The following DGKB variants were observed in gnomAD, a reference collection of about 807,000 sequenced individuals.
DGKB encodes diacylglycerol kinase beta.
In DGKB, 67 loss-of-function variants were observed where a neutral mutation model predicts 114.3. That is an observed-to-expected ratio of 0.59 (90% confidence interval 0.48 to 0.72). DGKB has a LOEUF of 0.72. Among genes scored for constraint, DGKB ranks in the 30% least tolerant of loss-of-function variants. DGKB has a pLI of 0.00. For synonymous variants in DGKB, 398 were observed against 323.1 expected (o/e 1.23, Z -2.49); for missense variants, 907 against 975.2 (o/e 0.93, Z 0.93).
At chr7:14,411,106 C>T (rs1474423084) in intron 21 of DGKB, among the ~76,000 whole-genome samples, 1 of 152,110 alleles carries the variant, frequency 6.6e-6, no homozygotes, top group Non-Finnish European at 1.5e-5. Context: ...GGTAAACAAC[C>T]AGTACTGTAG....
In DGKB at chr7:14,241,501, C is replaced by T. The variant is rs182976586; in HGVS notation, c.2123-63350G>A. On this transcript the variant is annotated intron_variant, in intron 23 of 25. Coordinates refer to ENST00000402815, the MANE Select transcript of DGKB (RefSeq NM_001350709.2). ...TAAGTAATAACCTATAGCATACATA[C>T]GTCAGGAAATTGTCCTTAAGAAATC... Among the ~76,000 whole-genome samples the T allele has an allele frequency of 4.4e-3, 673 of 152,104 alleles. 7 individuals are homozygous for T. Among genetic ancestry groups the T allele is most frequent in the African/African-American group, 0.016 (644 of 41,518 alleles).
At chr7:14,741,732 C>G (rs1332666347) in intron 4 of DGKB, among the ~76,000 whole-genome samples, 3 of 152,186 alleles carry the variant, frequency 2.0e-5, no homozygotes, top group African/African-American at 4.8e-5. Context: ...ACCTTGTATA[C>G]TCGCAGTTAA....
chr7:14,867,998 G>A (rs375082389), intron 1 of DGKB, among the ~76,000 whole-genome samples: 1 of 152,148 alleles, frequency 6.6e-6, no homozygotes, highest in African/African-American at 2.4e-5. Flanking sequence ...AAAGAGATAC[G>A]GGAACAAAAC....
intron 3 of DGKB, 34 bp downstream of exon 3, chr7:14,757,621 A>G (rs781464183): frequency 1.6e-6 from 2 of 1,237,368 alleles, no homozygotes; most frequent in Non-Finnish European, 2.4e-6. Flanking sequence ...CCAAGCATAT[A>G]TACGAAACTG....
intron 2 of DGKB, among the ~76,000 whole-genome samples, chr7:14,824,585 A>C (rs1183881921): frequency 6.6e-6 from 1 of 152,124 alleles, no homozygotes. Flanking sequence ...CAAGATCCTG[A>C]AAAATGTTTT....
intron 13 of DGKB, among the ~76,000 whole-genome samples, chr7:14,654,763 G>A (rs1815416796): frequency 6.6e-6 from 1 of 151,846 alleles, no homozygotes; most frequent in South Asian, 2.1e-4. Flanking sequence ...TAGGCTCTAA[G>A]AACATACACT....
At chr7:14,295,334 C>T (rs1802366999) in intron 23 of DGKB, among the ~76,000 whole-genome samples, 1 of 152,064 alleles carries the variant, frequency 6.6e-6, no homozygotes, top group Admixed American at 6.6e-5. Context: ...TTTATTCAAT[C>T]AGAGCTTTCT....
At chr7:14,845,943 G>T (rs1848570286) in intron 1 of DGKB, among the ~76,000 whole-genome samples, 1 of 151,976 alleles carries the variant, frequency 6.6e-6, no homozygotes. Context: ...ATATAAATAA[G>T]CATCATTCCC....
At chr7:14,244,948 G>C (rs756331257) in intron 23 of DGKB, among the ~76,000 whole-genome samples, 12 of 152,042 alleles carry the variant, frequency 7.9e-5, no homozygotes, top group Non-Finnish European at 1.5e-4. Flanking sequence ...AGCCCAAATA[G>C]ACTAAGACAG....
chr7:14,930,937 T>G (rs1169853785), intron 1 of DGKB, among the ~76,000 whole-genome samples: 2 of 152,132 alleles, frequency 1.3e-5, no homozygotes, highest in Admixed American at 1.3e-4. Context: ...TTTTATAGAA[T>G]GCTTTTTCTT....
chr7:14,971,960 G>A (rs1010144560), intron 1 of DGKB, among the ~76,000 whole-genome samples: 1 of 151,998 alleles, frequency 6.6e-6, no homozygotes, highest in African/African-American at 2.4e-5. Context: ...TGGCCAGACT[G>A]GCCTTGAACT....
At chr7:14,675,256 G>A (rs1015695016) in intron 12 of DGKB, among the ~76,000 whole-genome samples, 4 of 152,026 alleles carry the variant, frequency 2.6e-5, no homozygotes, top group Non-Finnish European at 4.4e-5. Flanking sequence ...TTATGCCAAC[G>A]CTGACTACAG....
At chr7:14,246,348 G>A (rs1423926728) in intron 23 of DGKB, among the ~76,000 whole-genome samples, 1 of 152,122 alleles carries the variant, frequency 6.6e-6, no homozygotes, top group Non-Finnish European at 1.5e-5. Flanking sequence ...AAGGGACTGA[G>A]GAATAGAAAT....
intron 13 of DGKB, among the ~76,000 whole-genome samples, chr7:14,632,579 CTAAAAGTGTG>C (rs1809942643): frequency 6.6e-6 from 1 of 151,520 alleles, no homozygotes; most frequent in Non-Finnish European, 1.5e-5. Flanking sequence ...CCTTTAACGC[CTAAAAGTGTG>C]TAAAAATGTT....
chr7:14,946,219 A>C lies in DGKB; in HGVS notation c.-188+28477T>G, dbSNP rs561662724. 1.9e-3 allele frequency among the ~76,000 whole-genome samples: 295 copies of C among 151,664 alleles called. 2 individuals are homozygous for C. The highest frequency in any genetic ancestry group is 0.017 in the Admixed American group (259 of 15,150). ...TAGTTTTATTCCATATAGGTTCTAC[A>C]GCATTTGTGCTTTTGGTTTTTCACA... On this transcript the variant is annotated intron_variant, in intron 1 of 4. Transcript: ENST00000437998.
intron 20 of DGKB, among the ~76,000 whole-genome samples, chr7:14,530,452 GT>G (rs1270930419): frequency 6.6e-6 from 1 of 151,370 alleles, no homozygotes; most frequent in Non-Finnish European, 1.5e-5. Context: ...CCTATAAATA[GT>G]TTTACATGCC....
chr7:14,851,233 A>G (rs990228923), intron 1 of DGKB, among the ~76,000 whole-genome samples: 1 of 152,186 alleles, frequency 6.6e-6, no homozygotes, highest in Non-Finnish European at 1.5e-5. Context: ...GACACAAAAA[A>G]TCTAAAAGAA....
chr7:14,802,120 T>C (rs1208372251), intron 2 of DGKB, among the ~76,000 whole-genome samples: 4 of 152,144 alleles, frequency 2.6e-5, no homozygotes, highest in African/African-American at 2.4e-5. Flanking sequence ...CACTTATTTA[T>C]AGTCCTTTTA....
intron 13 of DGKB, among the ~76,000 whole-genome samples, chr7:14,631,707 T>C (rs183312865): frequency 6.6e-6 from 1 of 152,146 alleles, no homozygotes; most frequent in East Asian, 1.9e-4. Context: ...CAACGAATAT[T>C]TGTGCTAGTT....
Sources: allele counts gnomAD v4.1 joint callset (sites outside exome capture counted in the v4.1 genomes callset), GRCh38; gene constraint gnomAD v4.1.1; transcripts MANE v1.5; gene names NCBI Gene and HGNC (gene_info 2026-07-23, HGNC 2026-07-21).